The following DRG1 variants were observed in gnomAD, a reference collection of about 807,000 sequenced individuals.
DRG1 encodes the protein developmentally regulated GTP binding protein 1, also known as developmentally-regulated GTP-binding protein 1.
A neutral mutation model predicts 38.8 loss-of-function variants in DRG1; 19 were observed. The ratio of observed to expected loss-of-function variants is 0.49; its 90% CI spans 0.34 to 0.72. The LOEUF is 0.72. Ranked by LOEUF, DRG1 falls within the 30% of genes least tolerant of loss-of-function variation. The pLI is 0.01. For synonymous variants in DRG1, 167 were observed against 157.5 expected, an observed-to-expected ratio of 1.06 and a Z score of -0.45; for missense variants, 299 against 444.8, an observed-to-expected ratio of 0.67 and a Z score of 2.95.
Position 31,399,745 on chromosome 22 carries a change from G to T in DRG1, c.42+20G>T, listed in dbSNP as rs550587370. On this transcript the variant is annotated intron_variant, in intron 1 of 8. Coordinates refer to ENST00000331457, the MANE Select transcript of DRG1 (RefSeq NM_004147.4). ...GCAGAGGTAATGGACGCAGCTGGCGGTTCACTCTTAGTCTGAGCATTCCTT... is the reference window on the plus strand; with the variant it reads ...GCAGAGGTAATGGACGCAGCTGGCGTTTCACTCTTAGTCTGAGCATTCCTT... The T allele has an allele frequency of 6.2e-7, 1 of 1,613,972 alleles. No individual in the cohort carries two copies. The highest frequency in any genetic ancestry group is 1.3e-5 in the African/African-American group (1 of 75,046).
chr22:31,414,330 A>G (rs1218129305), intron 4 of DRG1, among the ~76,000 whole-genome samples: 1 of 152,086 alleles, frequency 6.6e-6, no homozygotes, highest in African/African-American at 2.4e-5. Flanking sequence ...AGGTGTCTCA[A>G]AGTTAACGTG....
At chr22:31,417,492 T>G (rs2050051456) in intron 4 of DRG1, among the ~76,000 whole-genome samples, 1 of 151,708 alleles carries the variant, frequency 6.6e-6, no homozygotes, top group African/African-American at 2.4e-5. Context: ...CCAGTCTGGC[T>G]ATCATGGTGA....
chr22:31,432,519 A>G (rs1463973677), intron 8 of DRG1, among the ~76,000 whole-genome samples: 5 of 150,786 alleles, frequency 3.3e-5, no homozygotes, highest in Admixed American at 3.3e-4. Flanking sequence ...TCCGCCTCCC[A>G]GGTTCAAGCG....
intron 8 of DRG1, among the ~76,000 whole-genome samples, chr22:31,431,862 TAA>T (rs1180597571): frequency 6.6e-6 from 1 of 152,196 alleles, no homozygotes; most frequent in Non-Finnish European, 1.5e-5. Flanking sequence ...TGTAAAAAGT[TAA>T]ACACTGTCCT....
intron 8 of DRG1, 147 bp from the exon 9 acceptor site, chr22:31,433,722 GTCT>G: frequency 1.7e-6 from 1 of 590,478 alleles, no homozygotes; most frequent in Non-Finnish European, 2.9e-6. Context: ...AGGCTTCAGT[GTCT>G]CATGCTGCTA....
rs1005670642 is a variant in DRG1, at chr22:31,416,571, G to A, written c.413-3685G>A. On this transcript the variant is annotated intron_variant, in intron 4 of 8. Coordinates refer to ENST00000331457, the MANE Select transcript of DRG1 (RefSeq NM_004147.4). Reference sequence around the variant, plus strand: ...GGAGTTCAAGACCAGCCTGGCCAACGTGGTGAAACCCCATCTCTACTAAAA... The same window carrying A: ...GGAGTTCAAGACCAGCCTGGCCAACATGGTGAAACCCCATCTCTACTAAAA... 1.6e-4 allele frequency among the ~76,000 whole-genome samples: 24 copies of A among 151,950 alleles called. 1 individual carries two copies. The highest frequency in any genetic ancestry group is 3.1e-4 in the Non-Finnish European group (21 of 67,952).
At chr22:31,428,481 G>C (rs5753614) in intron 8 of DRG1, among the ~76,000 whole-genome samples, 1 of 152,016 alleles carries the variant, frequency 6.6e-6, no homozygotes, top group South Asian at 2.1e-4. Flanking sequence ...CCAAAGTGCC[G>C]GGATTACAGG....
intron 4 of DRG1, among the ~76,000 whole-genome samples, chr22:31,414,248 T>C (rs755825452): frequency 1.3e-5 from 2 of 152,202 alleles, no homozygotes; most frequent in African/African-American, 2.4e-5. Flanking sequence ...GATTATGAAA[T>C]GTGTGGCAGT....
chr22:31,422,087 G>GGCAACA (rs2050079885), intron 5 of DRG1, among the ~76,000 whole-genome samples: 2 of 151,366 alleles, frequency 1.3e-5, no homozygotes, highest in African/African-American at 2.4e-5. Context: ...CTCCAGCCTG[G>GGCAACA]TGACAGAGCG....
At chr22:31,401,880 G>A (rs139088832) in intron 2 of DRG1, among the ~76,000 whole-genome samples, 8 of 151,440 alleles carry the variant, frequency 5.3e-5, no homozygotes, top group East Asian at 2.0e-4. Flanking sequence ...GTGAAACCCC[G>A]TCTCTGCTAA....
intron 3 of DRG1, among the ~76,000 whole-genome samples, chr22:31,406,785 A>G (rs1197616386): frequency 6.6e-6 from 1 of 152,206 alleles, no homozygotes; most frequent in African/African-American, 2.4e-5. Flanking sequence ...TCAGAGATAG[A>G]TGAACATTTC....
chr22:31,401,440 A>G (rs1488654553), intron 2 of DRG1, among the ~76,000 whole-genome samples: 1 of 151,316 alleles, frequency 6.6e-6, no homozygotes, highest in Non-Finnish European at 1.5e-5. Flanking sequence ...TTAGCTGGGC[A>G]TGGTGGCGCA....
At chr22:31,431,195 T>C (rs926526819) in intron 8 of DRG1, among the ~76,000 whole-genome samples, 30 of 151,640 alleles carry the variant, frequency 2.0e-4, no homozygotes, top group Non-Finnish European at 2.9e-4. Flanking sequence ...CCACCATGCC[T>C]GGCTAATTTT....
intron 3 of DRG1, among the ~76,000 whole-genome samples, chr22:31,409,534 T>A (rs2050007341): frequency 6.6e-6 from 1 of 152,164 alleles, no homozygotes; most frequent in African/African-American, 2.4e-5. Context: ...TCCAGGTGAT[T>A]CGGTTGTGCC....
At chr22:31,415,376 T>A (rs540925040) in intron 4 of DRG1, among the ~76,000 whole-genome samples, 1 of 152,236 alleles carries the variant, frequency 6.6e-6, no homozygotes, top group Non-Finnish European at 1.5e-5. Flanking sequence ...GCTCTCGATA[T>A]TAATTCCTTG....
intron 4 of DRG1, among the ~76,000 whole-genome samples, chr22:31,413,118 A>ATATC (rs1275819405): frequency 6.6e-6 from 1 of 152,022 alleles, no homozygotes; most frequent in East Asian, 1.9e-4. Flanking sequence ...TTATAAAGAT[A>ATATC]GAGTCTCACT....
chr22:31,407,561 C>G (rs2049995518), intron 3 of DRG1, among the ~76,000 whole-genome samples: 1 of 152,110 alleles, frequency 6.6e-6, no homozygotes, highest in Admixed American at 6.6e-5. Context: ...GTCTTGAACT[C>G]CTGCACACAA....
chr22:31,420,383 C>G lies in DRG1; in HGVS notation c.540C>G (p.Gly180=). 1 of 1,614,160 alleles carries G rather than the reference C, an allele frequency of 6.2e-7. No individual in the cohort carries two copies. The highest frequency in any genetic ancestry group is 8.5e-7 in the Non-Finnish European group (1 of 1,180,036). Residue 180 remains glycine, a synonymous_variant, in exon 5 of 9, where the codon GGC becomes GGG. Coordinates refer to ENST00000331457, the MANE Select transcript of DRG1 (RefSeq NM_004147.4). ...TGAACAGCAAACCCCCCAACATTGG[C>G]TTTAAGAAGAAGGACAAGGGAGGCA... is the stretch of plus-strand genomic sequence containing the variant. ...IRLNSKPPNI[G]FKKKDKGGIN...
intron 8 of DRG1, among the ~76,000 whole-genome samples, chr22:31,427,721 A>G (rs1352551549): frequency 6.6e-6 from 1 of 151,914 alleles, no homozygotes; most frequent in Non-Finnish European, 1.5e-5. Flanking sequence ...GCACACCATT[A>G]TACCCGGCTA....
Sources: allele counts gnomAD v4.1 joint callset (sites outside exome capture counted in the v4.1 genomes callset), GRCh38; gene constraint gnomAD v4.1.1; transcripts MANE v1.5; gene names NCBI Gene and HGNC (gene_info 2026-07-23, HGNC 2026-07-21).